AFTPH: variants seen among roughly 807,000 people sequenced by gnomAD.
AFTPH encodes the protein aftiphilin protein.
Under a neutral mutation model 72.5 loss-of-function variants are expected in AFTPH, and 7 were observed. That is an observed-to-expected ratio of 0.10 (90% CI 0.05 to 0.18). The LOEUF (loss-of-function observed/expected upper bound fraction) is 0.18. AFTPH is among the 10% of genes least tolerant of loss of function. The pLI, the probability that AFTPH is intolerant of heterozygous loss-of-function variation, is 1.00. For missense variants in AFTPH, 979 were observed against 1,060.5 expected (o/e 0.92, Z 1.07); for synonymous variants, 337 against 370.1 (o/e 0.91, Z 1.03).
At chr2:64,553,727 T>C (rs1249162209) in intron 2 of AFTPH, among the ~76,000 whole-genome samples, 4 of 151,370 alleles carry the variant, frequency 2.6e-5, no homozygotes, top group Non-Finnish European at 5.9e-5. Flanking sequence ...AAACCCACAC[T>C]TATTACCTAA....
At chr2:64,563,979 G>C (rs1671897525) in intron 2 of AFTPH, among the ~76,000 whole-genome samples, 1 of 152,148 alleles carries the variant, frequency 6.6e-6, no homozygotes, top group East Asian at 1.9e-4. Flanking sequence ...CAAGATTTAA[G>C]TCATAATGCC....
chr2:64,575,097 A>G (rs955764073), intron 6 of AFTPH, among the ~76,000 whole-genome samples: 3 of 149,730 alleles, frequency 2.0e-5, no homozygotes, highest in Admixed American at 1.3e-4. Context: ...ACTATTGCTT[A>G]TTGTATCAGT....
At chr2:64,552,461 T>G in exon 2 of AFTPH, 1 of 1,614,040 alleles carries the variant, frequency 6.2e-7, no homozygotes, top group Non-Finnish European at 8.5e-7. Flanking sequence ...TACAGTCAGG[T>G]GTTCAGTCAA....
chr2:64,560,133 C>G (rs17751539), intron 2 of AFTPH, among the ~76,000 whole-genome samples: 4,061 of 152,270 alleles, frequency 0.027, 68 homozygotes, highest in Admixed American at 0.033. Context: ...AGACTGGAAC[C>G]TGTTTGTGAC....
intron 6 of AFTPH, 58 bp downstream of exon 6, chr2:64,573,126 C>A: frequency 7.9e-7 from 1 of 1,264,196 alleles, no homozygotes; most frequent in Non-Finnish European, 1.1e-6. Context: ...CATATATCCA[C>A]ACATACTGCC....
At chr2:64,573,728 G>A (rs1001383618) in intron 6 of AFTPH, among the ~76,000 whole-genome samples, 2 of 152,130 alleles carry the variant, frequency 1.3e-5, no homozygotes, top group African/African-American at 2.4e-5. Flanking sequence ...TATGATCTCG[G>A]CTCACTATAA....
At chr2:64,585,595 C>A in intron 8 of AFTPH, 50 bp downstream of exon 9, 1 of 1,553,444 alleles carries the variant, frequency 6.4e-7, no homozygotes, top group Non-Finnish European at 8.6e-7. Context: ...TGAGATAAAA[C>A]GACCCAAAGG....
intron 7 of AFTPH, among the ~76,000 whole-genome samples, chr2:64,581,864 G>T (rs1673225667): frequency 6.6e-6 from 1 of 151,714 alleles, no homozygotes. Context: ...GTTTTCCATG[G>T]GAAAAAAAAT....
In AFTPH at chr2:64,551,994, G is replaced by A. The variant is rs566957377; in HGVS notation, c.520G>A (p.Glu174Lys). 46 of 1,613,830 alleles carry A rather than the reference G, an allele frequency of 2.9e-5. No individual in the cohort carries two copies. The South Asian group carries it at 4.1e-4, about 14-fold the overall frequency. Reference sequence around the variant, plus strand: ...CAAGCAGTTAGAGAGCTGCAATGGTGAAAAGCCTCCTTGTCTGGAGATTCT... The same window carrying A: ...CAAGCAGTTAGAGAGCTGCAATGGTAAAAAGCCTCCTTGTCTGGAGATTCT... Residue 174 changes from glutamate (E) to lysine (K), a missense_variant, in exon 2 of 9, where the codon GAA (glutamate) becomes AAA (lysine). Glu to Lys is a moderately conservative substitution (Grantham distance 56). Transcript: ENST00000238856.
At chr2:64,574,433 G>T (rs1251475082) in intron 6 of AFTPH, among the ~76,000 whole-genome samples, 2 of 152,100 alleles carry the variant, frequency 1.3e-5, no homozygotes, top group Non-Finnish European at 2.9e-5. Context: ...GCAATGAATG[G>T]CCTTAATTTT....
intron 1 of AFTPH, among the ~76,000 whole-genome samples, chr2:64,531,635 A>G (rs772758080): frequency 9.2e-5 from 14 of 152,226 alleles, no homozygotes; most frequent in Admixed American, 2.6e-4. Flanking sequence ...CACTAGCCAA[A>G]TGTGTCACTT....
rs562189132 is a variant in AFTPH at position 64,548,387 on chromosome 2, G to A, written c.-32-3056G>A. 6.4e-4 allele frequency among the ~76,000 whole-genome samples: 70 copies of A among 108,976 alleles called. 1 individual carries two copies. Among genetic ancestry groups the A allele is most frequent in the Middle Eastern group, 7.5e-3 (1 of 134 alleles). The allele number at this position is 108,976 out of a possible 152,430, so 71.5% of individuals were successfully genotyped here. A position where few individuals can be genotyped will look rare whatever the true frequency, so the allele number is the denominator to read the frequency against. ...CGCAGTCAGGCCTGGGCGACAGAGCGAGACTCCGTCTCAAAAAAAGAAAAA... is the reference window on the plus strand; with the variant it reads ...CGCAGTCAGGCCTGGGCGACAGAGCAAGACTCCGTCTCAAAAAAAGAAAAA... On this transcript the variant is annotated intron_variant, in intron 1 of 8. Transcript: ENST00000238856.
At chr2:64,548,880 T>A (rs917402304) in intron 1 of AFTPH, among the ~76,000 whole-genome samples, 1 of 152,202 alleles carries the variant, frequency 6.6e-6, no homozygotes, top group Non-Finnish European at 1.5e-5. Context: ...TGGTGCTAAT[T>A]TCGTAAGAAA....
chr2:64,578,408 C>A (rs919359751), intron 6 of AFTPH, among the ~76,000 whole-genome samples: 2 of 151,454 alleles, frequency 1.3e-5, no homozygotes, highest in Non-Finnish European at 3.0e-5. Flanking sequence ...AAGAAAAAAA[C>A]AACCAACATT....
intron 1 of AFTPH, among the ~76,000 whole-genome samples, chr2:64,539,500 C>T (rs1468704076): frequency 6.6e-6 from 1 of 152,054 alleles, no homozygotes; most frequent in African/African-American, 2.4e-5. Flanking sequence ...ATTTCAAATC[C>T]CACTTATTTA....
chr2:64,558,517 T>C (rs1005739374), intron 2 of AFTPH, among the ~76,000 whole-genome samples: 3 of 152,132 alleles, frequency 2.0e-5, no homozygotes, highest in Admixed American at 2.0e-4. Context: ...AGAAACATAA[T>C]TACTTACCCA....
intron 1 of AFTPH, among the ~76,000 whole-genome samples, chr2:64,536,656 CAA>C (rs1669907932): frequency 6.7e-6 from 1 of 149,294 alleles, no homozygotes; most frequent in Non-Finnish European, 1.5e-5. Flanking sequence ...GTAGGAGAAT[CAA>C]AAGAGAATTG....
chr2:64,552,910 G>T, exon 2 of AFTPH: 1 of 1,614,154 alleles, frequency 6.2e-7, no homozygotes, highest in Non-Finnish European at 8.5e-7. Context: ...GATGACTTTG[G>T]AGAATTTGGG....
exon 6 of AFTPH, chr2:64,573,036 G>A: frequency 6.2e-7 from 1 of 1,614,098 alleles, no homozygotes; most frequent in Non-Finnish European, 8.5e-7. Context: ...CATGTCACCA[G>A]ATATGAACAC....
Sources: gnomAD v4.1 joint callset for allele counts (sites outside exome capture counted in the v4.1 genomes callset) on GRCh38, gnomAD v4.1.1 for gene constraint, MANE v1.5 for transcripts, NCBI Gene and HGNC (gene_info 2026-07-23, HGNC 2026-07-21) for gene names.